UNC79: variants seen among roughly 807,000 people sequenced by gnomAD.
UNC79 encodes the protein unc-79 subunit of NALCN channel complex.
A neutral mutation model predicts 283.1 loss-of-function variants in UNC79; 37 were observed. The observed-to-expected ratio is 0.13, with a 90% confidence interval of 0.10 to 0.17. The LOEUF (loss-of-function observed/expected upper bound fraction) is 0.17, where lower values mean the gene tolerates loss of function less well. UNC79 is among the 10% of genes least tolerant of loss of function. The probability of loss-of-function intolerance (pLI) is 1.00; values close to 1 mark genes in which losing one functional copy is unlikely to be tolerated. For synonymous variants in UNC79, 1,107 were observed against 1,200.2 expected, an observed-to-expected ratio of 0.92 and a Z score of 1.61; for missense variants, 2,272 against 3,211.1, an observed-to-expected ratio of 0.71 and a Z score of 7.07.
At chr14:93,392,357 G>T (rs1333912258) in intron 1 of UNC79, among the ~76,000 whole-genome samples, 2 of 152,122 alleles carry the variant, frequency 1.3e-5, no homozygotes, top group African/African-American at 4.8e-5. Context: ...TTTATTTAAT[G>T]TTAAAAAATA....
intron 23 of UNC79, among the ~76,000 whole-genome samples, chr14:93,594,527 C>T (rs2064922587): frequency 6.6e-6 from 1 of 152,156 alleles, no homozygotes; most frequent in East Asian, 1.9e-4. Flanking sequence ...ACCTTGGCCT[C>T]CCAAAGTGTT....
intron 1 of UNC79, among the ~76,000 whole-genome samples, chr14:93,382,920 A>G (rs1037954228): frequency 1.3e-5 from 2 of 152,252 alleles, no homozygotes; most frequent in African/African-American, 4.8e-5. Context: ...AAAATAGCAG[A>G]CTAGACAAGG....
intron 1 of UNC79, among the ~76,000 whole-genome samples, chr14:93,450,522 C>A (rs185384902): frequency 6.6e-6 from 1 of 152,088 alleles, no homozygotes; most frequent in African/African-American, 2.4e-5. Context: ...TGTCTAAATA[C>A]GCCTTTATTT....
intron 20 of UNC79, 85 bp from the exon 21 acceptor site, chr14:93,586,511 C>T: frequency 1.6e-6 from 2 of 1,279,210 alleles, no homozygotes; most frequent in South Asian, 1.4e-5. Context: ...TTTTACTCTT[C>T]TTGGTTTTTA....
chr14:93,656,230 G>A (rs2070914260), intron 38 of UNC79, among the ~76,000 whole-genome samples: 1 of 152,202 alleles, frequency 6.6e-6, no homozygotes, highest in Non-Finnish European at 1.5e-5. Flanking sequence ...TGGCAGTGGT[G>A]TTGCTGGCTT....
intron 1 of UNC79, among the ~76,000 whole-genome samples, chr14:93,363,370 CT>C (rs1852648897): frequency 6.6e-6 from 1 of 152,116 alleles, no homozygotes; most frequent in Admixed American, 6.6e-5. Flanking sequence ...TTGGGAATTG[CT>C]TAATCTCTGA....
chr14:93,653,333 A>ATATATG (rs1284083280), intron 35 of UNC79, among the ~76,000 whole-genome samples: 1 of 150,812 alleles, frequency 6.6e-6, no homozygotes, highest in Admixed American at 6.6e-5. Context: ...ATATATATAT[A>ATATATG]TATATATGAA....
intron 1 of UNC79, among the ~76,000 whole-genome samples, chr14:93,335,937 A>G (rs1307960647): frequency 1.3e-5 from 2 of 152,208 alleles, no homozygotes; most frequent in Non-Finnish European, 2.9e-5. Context: ...TCCTGAATTT[A>G]TGTTTTGTTC....
At chr14:93,691,835 T>A in exon 46 of UNC79, 2 of 1,614,212 alleles carry the variant, frequency 1.2e-6, no homozygotes, top group Non-Finnish European at 1.7e-6. Context: ...GTGCCGTCGC[T>A]ACAAATCTCC....
At position 93,338,445 on chromosome 14, in the gene UNC79, T is replaced by A. The variant is rs545412090; in HGVS notation, c.-351+4922T>A. Among the ~76,000 whole-genome samples the A allele has an allele frequency of 5.3e-5, 8 of 152,284 alleles. No homozygotes were observed. The East Asian group carries it at 1.4e-3, about 26-fold the overall frequency. ...AAATAGATTACCCAGACTTAGGTAT[T>A]TCTAGCAACACAAAAACGGACTAAC... On this transcript the variant is annotated intron_variant, in intron 1 of 49. Transcript: ENST00000256339.
chr14:93,431,579 A>G (rs2055880674), intron 1 of UNC79, among the ~76,000 whole-genome samples: 1 of 152,170 alleles, frequency 6.6e-6, no homozygotes. Flanking sequence ...GAGCCAGGCA[A>G]GAGGAAAATT....
rs189178403 is a variant in UNC79, at chr14:93,600,852, G to A, written c.3574+82G>A. The A allele has an allele frequency of 1.3e-4, 196 of 1,484,852 alleles. 1 individual carries two copies. The highest frequency in any genetic ancestry group is 9.4e-4 in the South Asian group (76 of 80,498). 92.0% of individuals were successfully genotyped at this position (1,484,852 alleles called of 1,614,324 possible). ...GACAAACAGAAGACATTGGCATGTC[G>A]TTTAATTCCTCTACAGAGGATGCCT... On this transcript the variant is annotated intron_variant, in intron 25 of 48. Transcript: ENST00000555664.
rs2073344229 is a variant in UNC79 at position 93,676,369 on chromosome 14, C to A, written c.6741+2914C>A. 2.5e-5 allele frequency among the ~76,000 whole-genome samples: 3 copies of A among 120,166 alleles called. No individual in the cohort carries two copies. In the South Asian group the frequency reaches 8.0e-4, roughly 32 times the overall value. The allele number at this position is 120,166 out of a possible 152,430, so 78.8% of individuals were successfully genotyped here. A position where few individuals can be genotyped will look rare whatever the true frequency, so the allele number is the denominator to read the frequency against. ...ACCACTGCTCTTGGCCCAAAAAGATCTTTTTGAAGATTCATGGGATCTACA... is the reference window on the plus strand; with the variant it reads ...ACCACTGCTCTTGGCCCAAAAAGATATTTTTGAAGATTCATGGGATCTACA... On this transcript the variant is annotated intron_variant, in intron 41 of 48. Coordinates refer to ENST00000555664, the Ensembl canonical transcript of UNC79.
rs1390040639 is a variant in UNC79, at chr14:93,345,303, G to T, written c.-351+11780G>T. ...TATTGTAACAGCCTGAACAGACTGA[G>T]ACAGTAACAGAAAGGAACAAAAGTA... On this transcript the variant is annotated intron_variant, in intron 1 of 49. Coordinates refer to the UNC79 transcript ENST00000256339. Among the ~76,000 whole-genome samples the T allele has an allele frequency of 2.0e-5, 3 of 152,176 alleles. 1 individual carries two copies. The highest frequency in any genetic ancestry group is 7.2e-5 in the African/African-American group (3 of 41,430).
chr14:93,659,069 T>C lies in UNC79; in HGVS notation c.6457-124T>C, dbSNP rs907800160. On this transcript the variant is annotated intron_variant, in intron 38 of 48. Coordinates refer to ENST00000555664, the Ensembl canonical transcript of UNC79. ...ACAAGGATATTATGGCATGGGAATC[T>C]GTTGAGATGCAGTCATATTTCAGAT... 12 of 659,672 alleles carry C rather than the reference T, an allele frequency of 1.8e-5. No homozygotes were observed. In the African/African-American group the frequency reaches 2.0e-4, roughly 11 times the overall value. The allele number at this position is 659,672 out of a possible 1,614,324, so 40.9% of individuals were successfully genotyped here.
At chr14:93,604,353 T>A (rs1407439635) in intron 26 of UNC79, among the ~76,000 whole-genome samples, 1 of 152,232 alleles carries the variant, frequency 6.6e-6, no homozygotes, top group Non-Finnish European at 1.5e-5. Flanking sequence ...TAAATATGAT[T>A]TGATTTTATT....
At chr14:93,637,102 C>G (rs1033469563) in intron 31 of UNC79, 114 bp from the exon 35 acceptor site, 6 of 723,048 alleles carry the variant, frequency 8.3e-6, no homozygotes, top group Non-Finnish European at 1.5e-5. Flanking sequence ...GTTAATAATA[C>G]ATAGTAACAG....
At chr14:93,403,557 C>T (rs969734652) in intron 1 of UNC79, among the ~76,000 whole-genome samples, 4 of 152,138 alleles carry the variant, frequency 2.6e-5, no homozygotes, top group African/African-American at 9.7e-5. Context: ...AGTTTTTCAG[C>T]ATTACAAAAG....
chr14:93,662,480 TG>T, intron 39 of UNC79, 123 bp from the exon 43 acceptor site: 1 of 648,980 alleles, frequency 1.5e-6, no homozygotes, highest in Non-Finnish European at 2.6e-6. Flanking sequence ...CAGGAGCCAC[TG>T]GGCAACAGAG....
Sources: allele counts gnomAD v4.1 joint callset (sites outside exome capture counted in the v4.1 genomes callset), GRCh38; gene constraint gnomAD v4.1.1; transcripts MANE v1.5; gene names NCBI Gene and HGNC (gene_info 2026-07-23, HGNC 2026-07-21).